Variants in SLC4A1 observed in about 807,000 individuals in gnomAD.
The protein encoded by SLC4A1 is solute carrier family 4 member 1 (Diego blood group).
SLC4A1 carries 29 observed loss-of-function variants against 93.1 expected under a neutral mutation model. That is an observed-to-expected ratio of 0.31 (90% CI 0.23 to 0.42). The LOEUF is 0.42. SLC4A1 is among the 20% of genes least tolerant of loss of function. The probability of loss-of-function intolerance (pLI) is 1.00; values close to 1 mark genes in which losing one functional copy is unlikely to be tolerated. For missense variants in SLC4A1, 965 were observed against 1,190.1 expected (o/e 0.81, Z 2.78); for synonymous variants, 469 against 497.2 (o/e 0.94, Z 0.76).
chr17:44,254,457 T>TA, intron 16 of SLC4A1, 39 bp downstream of exon 16: 111 of 1,282,662 alleles, frequency 8.7e-5, no homozygotes, highest in Middle Eastern at 3.9e-4. Context: ...GGTCCCTGCC[T>TA]CCCACCCTCC....
Position 44,249,107 on chromosome 17 carries a change from C to A in SLC4A1, c.*1351G>T, listed in dbSNP as rs1165633762. ...AAACTCCTGACCTCAAATGATCCGC[C>A]CAACTTGGCCTCCCAAAGTGCTGGG... On this transcript the variant is annotated 3_prime_UTR_variant, in exon 20 of 20. Coordinates refer to ENST00000262418, the MANE Select transcript of SLC4A1 (RefSeq NM_000342.4). 4.5e-6 allele frequency: 2 copies of A among 443,314 alleles called. No individual in the cohort carries two copies. The highest frequency in any genetic ancestry group is 9.0e-6 in the Non-Finnish European group (2 of 222,302). 27.5% of individuals were successfully genotyped at this position (443,314 alleles called of 1,614,324 possible).
At chr17:44,264,827 G>T (rs547236240) in intron 1 of SLC4A1, among the ~76,000 whole-genome samples, 5 of 152,030 alleles carry the variant, frequency 3.3e-5, no homozygotes, top group African/African-American at 1.2e-4. Flanking sequence ...GGAGGACAGG[G>T]GTCACCTAAG....
intron 1 of SLC4A1, among the ~76,000 whole-genome samples, chr17:44,264,484 C>T (rs1377236202): frequency 6.6e-6 from 1 of 152,100 alleles, no homozygotes; most frequent in East Asian, 1.9e-4. Flanking sequence ...ACAAAAAAAC[C>T]AATACGTGGT....
Position 44,249,603 on chromosome 17 carries a change from A to G in SLC4A1, c.*855T>C, listed in dbSNP as rs1298365433. 3.4e-5 allele frequency: 6 copies of G among 175,080 alleles called. No individual in the cohort carries two copies. Among genetic ancestry groups the G allele is most frequent in the East Asian group, 1.9e-4 (1 of 5,388 alleles). The allele number at this position is 175,080 out of a possible 1,614,324, so 10.8% of individuals were successfully genotyped here. On this transcript the variant is annotated 3_prime_UTR_variant, in exon 20 of 20. Coordinates refer to ENST00000262418, the MANE Select transcript of SLC4A1 (RefSeq NM_000342.4). ...GGGGCCCTCAGTAAATGTTTGTGGA[A>G]TGAATGAATGAGTGAACTAATGAGT...
chr17:44,254,142 T>C (rs373840626), intron 16 of SLC4A1, among the ~76,000 whole-genome samples: 6 of 152,048 alleles, frequency 3.9e-5, no homozygotes, highest in East Asian at 1.9e-4. Flanking sequence ...GCCCGCCTAA[T>C]TTTTTGTATT....
At chr17:44,265,305 G>A (rs192553145) in intron 1 of SLC4A1, among the ~76,000 whole-genome samples, 12 of 152,214 alleles carry the variant, frequency 7.9e-5, no homozygotes, top group Middle Eastern at 3.4e-3. Flanking sequence ...AGCAGGACGC[G>A]TTTGCAGCAC....
chr17:44,261,446 ACTC>A, intron 4 of SLC4A1, 126 bp downstream of exon 4: 3 of 1,490,062 alleles, frequency 2.0e-6, no homozygotes, highest in Non-Finnish European at 1.9e-6. Flanking sequence ...TGGGATCCTC[ACTC>A]CTCTATCTGC....
rs1316438486 is a variant in SLC4A1, at chr17:44,260,821, G to C, written c.169-6C>G. ...TCCTGCAGCTCCACATAGACCTGTG[G>C]CCCCATGCGCCTGAGTTAGTTCATC... On this transcript the variant is annotated splice_region_variant and splice_polypyrimidine_tract_variant and intron_variant, in intron 4 of 19. Coordinates refer to ENST00000262418, the MANE Select transcript of SLC4A1 (RefSeq NM_000342.4). 2 of 1,610,276 alleles carry C rather than the reference G, an allele frequency of 1.2e-6. No homozygotes were observed. Among genetic ancestry groups the C allele is most frequent in the Admixed American group, 3.3e-5 (2 of 60,030 alleles).
In SLC4A1 at chr17:44,258,369, G is replaced by C. The variant is rs201228471; in HGVS notation, c.1087+44C>G. The C allele has an allele frequency of 3.2e-6, 5 of 1,580,524 alleles. No homozygotes were observed. Among genetic ancestry groups the C allele is most frequent in the Middle Eastern group, 1.7e-4 (1 of 5,898 alleles). On this transcript the variant is annotated intron_variant, in intron 10 of 19. Transcript: ENST00000262418. The surrounding 1 kb of genome is among the most constrained non-coding windows in gnomAD (Gnocchi z 6.1). ...CAGAGGCTACGCTGAGGTGTCTGGG[G>C]GTCGGTGGGGGCTCAGAAAGCCTCA... is the stretch of plus-strand genomic sequence containing the variant.
rs548319042 is a variant in SLC4A1, at chr17:44,253,067, C to T, written c.2311+51G>A. The T allele has an allele frequency of 3.5e-5, 55 of 1,587,904 alleles. No individual in the cohort carries two copies. The South Asian group carries it at 4.2e-4, about 12-fold the overall frequency. ...AACAGAAAGGGGAAGGGGAAGGGGC[C>T]GGGGGTGAGGGGCAGGAGGATGGTG... On this transcript the variant is annotated intron_variant, in intron 17 of 19. Coordinates refer to ENST00000262418, the MANE Select transcript of SLC4A1 (RefSeq NM_000342.4).
At chr17:44,255,170 G>C (rs1052460742) in intron 15 of SLC4A1, 37 bp downstream of exon 15, 2 of 1,427,372 alleles carry the variant, frequency 1.4e-6, no homozygotes, top group South Asian at 2.4e-5. Context: ...GAGGACCTGG[G>C]GGGTATCATG....
In SLC4A1 at chr17:44,250,416, A is replaced by T. The variant is rs2047327839; in HGVS notation, c.*42T>A. 6.8e-7 allele frequency: 1 copy of T among 1,474,034 alleles called. No individual in the cohort carries two copies. Among genetic ancestry groups the T allele is most frequent in the African/African-American group, 1.4e-5 (1 of 72,254 alleles). The allele number at this position is 1,474,034 out of a possible 1,614,324, so 91.3% of individuals were successfully genotyped here. A position where few individuals can be genotyped will look rare whatever the true frequency, so the allele number is the denominator to read the frequency against. On this transcript the variant is annotated 3_prime_UTR_variant, in exon 20 of 20. Coordinates refer to ENST00000262418, the MANE Select transcript of SLC4A1 (RefSeq NM_000342.4). Reference sequence around the variant, plus strand: ...TTCTGCTTTTCCTTGGAAGGTGGGGATGTGGAATGGTGGGGGAGGGTCTAG... The same window carrying T: ...TTCTGCTTTTCCTTGGAAGGTGGGGTTGTGGAATGGTGGGGGAGGGTCTAG...
chr17:44,248,849 GTTTTTTTTTTTTTTTT>G lies in SLC4A1; in HGVS notation c.*1593_*1608del, dbSNP rs57466226. The G allele has an allele frequency of 5.6e-5, 4 of 71,760 alleles. No homozygotes were observed. The highest frequency in any genetic ancestry group is 2.9e-4 in the South Asian group (1 of 3,450). The allele number at this position is 71,760 out of a possible 1,614,324, so 4.4% of individuals were successfully genotyped here. A position where few individuals can be genotyped will look rare whatever the true frequency, so the allele number is the denominator to read the frequency against. On this transcript the variant is annotated 3_prime_UTR_variant, in exon 20 of 20. Transcript: ENST00000262418. ...GCCCCCAAGGCTGATGTTTCCTTCC[GTTTTTTTTTTTTTTTT>G]TTTTTTTTTTTTGAGACAGGGTCTC...
At chr17:44,261,893 C>T (rs2047448976) in intron 3 of SLC4A1, 3 of 1,032,334 alleles carry the variant, frequency 2.9e-6, no homozygotes, top group Admixed American at 2.7e-5. Context: ...GGAGGCCTAG[C>T]CCCTCCGCAG....
chr17:44,250,619 T>C (rs552087152), intron 19 of SLC4A1, 81 bp from the exon 20 acceptor site: 3 of 1,071,400 alleles, frequency 2.8e-6, no homozygotes, highest in South Asian at 1.3e-5. Context: ...AAGGCACCTC[T>C]GGAGTTAGGA....
Position 44,259,724 on chromosome 17 carries a change from G to A in SLC4A1, c.609+85C>T, listed in dbSNP as rs576829872. ...TGCTTCTGGTCCCCTGCTTGTGGTC[G>A]GTTTTTCAGGACCCCTGCTGGCGTT... On this transcript the variant is annotated intron_variant, in intron 7 of 19. Coordinates refer to ENST00000262418, the MANE Select transcript of SLC4A1 (RefSeq NM_000342.4). 64 of 1,598,634 alleles carry A rather than the reference G, an allele frequency of 4.0e-5. 1 individual carries two copies. In the South Asian group the frequency reaches 5.7e-4, roughly 14 times the overall value.
chr17:44,266,801 C>T (rs2047499623), intron 1 of SLC4A1, among the ~76,000 whole-genome samples: 1 of 152,094 alleles, frequency 6.6e-6, no homozygotes, highest in Admixed American at 6.5e-5. Context: ...TGGCCAGGGC[C>T]AGGCCAGATA....
At position 44,251,483 on chromosome 17, in the gene SLC4A1, A is replaced by G; in HGVS notation, c.2417T>C (p.Phe806Ser). The change falls in exon 18 of 20, where the codon TTT becomes TCT. Residue 806 changes from phenylalanine (F) to serine (S), a missense_variant. By Grantham distance (155) the Phe-to-Ser change is radical. Coordinates refer to ENST00000262418, the MANE Select transcript of SLC4A1 (RefSeq NM_000342.4). ...GVTSLSGIQL[F>S]DRILLLFKPP... ...CTTGAACAGAAGCAAGATGCGGTCA[A>G]AGAGCTGGATGCCGCTGAGCGACGT... 1 of 1,614,206 alleles carries G rather than the reference A, an allele frequency of 6.2e-7. No individual in the cohort carries two copies. The highest frequency in any genetic ancestry group is 1.1e-5 in the South Asian group (1 of 91,084).
At position 44,259,946 on chromosome 17, in the gene SLC4A1, A is replaced by G. The variant is rs767522501; in HGVS notation, c.486-14T>C. ...TCTCCAGCGTGGCTGCAGGACGTAC[A>G]GGGGACATGGGCTGAGTAAGCTGTT... On this transcript the variant is annotated splice_polypyrimidine_tract_variant and intron_variant, in intron 6 of 19. Transcript: ENST00000262418. 62 of 1,613,286 alleles carry G rather than the reference A, an allele frequency of 3.8e-5. No homozygotes were observed. The highest frequency in any genetic ancestry group is 5.2e-5 in the Non-Finnish European group (61 of 1,179,982).
Sources: allele counts gnomAD v4.1 joint callset (sites outside exome capture counted in the v4.1 genomes callset), GRCh38; gene constraint gnomAD v4.1.1; non-coding constraint Gnocchi (gnomAD v3.1); transcripts MANE v1.5; gene names NCBI Gene and HGNC (gene_info 2026-07-23, HGNC 2026-07-21).